Variants in BCAT1 observed in about 807,000 individuals in gnomAD.
BCAT1 encodes branched chain amino acid transaminase 1.
In BCAT1, 48 loss-of-function variants were observed where a neutral mutation model predicts 52.4. The observed-to-expected ratio is 0.92, with a 90% CI of 0.73 to 1.16. The LOEUF (loss-of-function observed/expected upper bound fraction) is 1.16, where lower values mean the gene tolerates loss of function less well. Ranked by LOEUF, BCAT1 falls within the 50% of genes most tolerant of loss-of-function variation. The probability of loss-of-function intolerance (pLI) is 0.00; values close to 1 mark genes in which losing one functional copy is unlikely to be tolerated. For synonymous variants in BCAT1, 167 were observed against 161.3 expected, an observed-to-expected ratio of 1.04 and a Z score of -0.27; for missense variants, 451 against 457.1, an observed-to-expected ratio of 0.99 and a Z score of 0.12.
At chr12:24,925,879 C>T (rs1013701239) in intron 1 of BCAT1, among the ~76,000 whole-genome samples, 4 of 152,244 alleles carry the variant, frequency 2.6e-5, no homozygotes, top group African/African-American at 7.2e-5. Flanking sequence ...GACGGAGTCT[C>T]GTTCACTCAG....
chr12:24,914,520 A>G (rs1277238739), intron 1 of BCAT1, among the ~76,000 whole-genome samples: 3 of 152,242 alleles, frequency 2.0e-5, no homozygotes, highest in African/African-American at 7.2e-5. Context: ...GAATCAAGCA[A>G]TCAGATGTTT....
At chr12:24,920,384 G>C (rs890556470) in intron 1 of BCAT1, among the ~76,000 whole-genome samples, 2 of 152,164 alleles carry the variant, frequency 1.3e-5, no homozygotes, top group African/African-American at 2.4e-5. Flanking sequence ...GAGAAGTAAT[G>C]CTTGACCTTA....
upstream of BCAT1, chr12:24,949,226 A>G: frequency 2.0e-6 from 1 of 506,328 alleles, no homozygotes; most frequent in Non-Finnish European, 3.5e-6. Flanking sequence ...ATTCGGAGCC[A>G]GCGCCCAGAC....
In BCAT1 at chr12:24,887,082, T is replaced by TAA. The variant is rs1565483153; in HGVS notation, c.280-5672_280-5671insTT. Among the ~76,000 whole-genome samples, 6 of 22,066 alleles carry TAA rather than the reference T, an allele frequency of 2.7e-4. No homozygotes were observed. In the South Asian group the frequency reaches 8.5e-3, roughly 31 times the overall value. 14.5% of individuals were successfully genotyped at this position (22,066 alleles called of 152,430 possible). ...TAGCTAAAAAAAAAAAAAAAAAAAATATATATATATATATATATATATATA... is the reference window on the plus strand; with the variant it reads ...TAGCTAAAAAAAAAAAAAAAAAAAATAAATATATATATATATATATATATATA... On this transcript the variant is annotated intron_variant, in intron 3 of 10. Coordinates refer to ENST00000261192, the MANE Select transcript of BCAT1 (RefSeq NM_005504.7).
chr12:24,913,725 G>A (rs1159142768), intron 1 of BCAT1, among the ~76,000 whole-genome samples: 1 of 152,160 alleles, frequency 6.6e-6, no homozygotes, highest in Admixed American at 6.5e-5. Context: ...ACTGAGCAGG[G>A]AAATCCAGCA....
At chr12:24,869,696 T>TG (rs996540619) in intron 5 of BCAT1, among the ~76,000 whole-genome samples, 104 of 151,968 alleles carry the variant, frequency 6.8e-4, no homozygotes, top group African/African-American at 2.4e-3. Flanking sequence ...AGATGGGAGA[T>TG]GGGGGGACAT....
intron 5 of BCAT1, among the ~76,000 whole-genome samples, chr12:24,864,363 A>C (rs769748708): frequency 1.3e-5 from 2 of 152,158 alleles, no homozygotes; most frequent in Non-Finnish European, 2.9e-5. Context: ...ATCTGCAATG[A>C]AGATATACCC....
intron 5 of BCAT1, among the ~76,000 whole-genome samples, 166 bp from the exon 6 acceptor site, chr12:24,850,115 G>A (rs777642807): frequency 4.6e-5 from 7 of 152,166 alleles, no homozygotes; most frequent in Non-Finnish European, 1.0e-4. Context: ...TTTTAAGAAG[G>A]AAATCCTGAG....
chr12:24,834,362 C>T, intron 8 of BCAT1: 1 of 984,982 alleles, frequency 1.0e-6, no homozygotes, highest in Non-Finnish European at 1.2e-6. Flanking sequence ...TGACTTCTGC[C>T]AAAGTGTTTG....
intron 1 of BCAT1, among the ~76,000 whole-genome samples, chr12:24,912,340 C>T (rs1943340463): frequency 6.6e-6 from 1 of 152,062 alleles, no homozygotes; most frequent in South Asian, 2.1e-4. Context: ...CGGTGAAACC[C>T]CGTCTCTACC....
At chr12:24,844,253 C>A (rs192020507) in intron 6 of BCAT1, among the ~76,000 whole-genome samples, 21 of 151,370 alleles carry the variant, frequency 1.4e-4, no homozygotes, top group African/African-American at 5.1e-4. Context: ...CATGGAGAAA[C>A]CCCGTCTCTA....
chr12:24,916,584 G>C (rs1402033396), intron 1 of BCAT1, among the ~76,000 whole-genome samples: 1 of 152,142 alleles, frequency 6.6e-6, no homozygotes, highest in Non-Finnish European at 1.5e-5. Flanking sequence ...TTGTCCCCTA[G>C]GCTGGAGCGC....
chr12:24,902,200 G>A (rs1028308685), intron 1 of BCAT1: 30 of 1,432,906 alleles, frequency 2.1e-5, no homozygotes, highest in Non-Finnish European at 2.6e-5. Flanking sequence ...AAAAACAATT[G>A]TCTCCCTTAT....
chr12:24,900,228 G>A (rs112582239), intron 2 of BCAT1, among the ~76,000 whole-genome samples: 4 of 152,150 alleles, frequency 2.6e-5, no homozygotes, highest in African/African-American at 7.2e-5. Flanking sequence ...GTAAATACAT[G>A]AGTGTAAACA....
At chr12:24,836,203 G>C (rs898365883) in intron 8 of BCAT1, among the ~76,000 whole-genome samples, 5 of 152,204 alleles carry the variant, frequency 3.3e-5, no homozygotes, top group African/African-American at 1.2e-4. Flanking sequence ...CTGGATGGAA[G>C]CACATCAGGT....
At chr12:24,914,386 G>A (rs1472150458) in intron 1 of BCAT1, among the ~76,000 whole-genome samples, 2 of 152,066 alleles carry the variant, frequency 1.3e-5, no homozygotes, top group Admixed American at 6.6e-5. Context: ...CCCAGCGGGT[G>A]GATTATTTTA....
rs555463763 is a variant in BCAT1, at chr12:24,827,384, C to G, written c.1119+2439G>C. On this transcript the variant is annotated intron_variant, in intron 10 of 10. Coordinates refer to ENST00000261192, the MANE Select transcript of BCAT1 (RefSeq NM_005504.7). ...CTGTGTACAAAGGTAGAAAACAACTCTGACTAAATTTTATTTCTTCCAATA... is the reference window on the plus strand; with the variant it reads ...CTGTGTACAAAGGTAGAAAACAACTGTGACTAAATTTTATTTCTTCCAATA... Among the ~76,000 whole-genome samples, 294 of 152,328 alleles carry G rather than the reference C, an allele frequency of 1.9e-3. 1 individual carries two copies. Among genetic ancestry groups the G allele is most frequent in the Non-Finnish European group, 2.2e-3 (150 of 68,036 alleles).
intron 7 of BCAT1, among the ~76,000 whole-genome samples, chr12:24,837,615 C>T (rs972990053): frequency 3.3e-5 from 5 of 151,704 alleles, no homozygotes; most frequent in Admixed American, 6.6e-5. Context: ...TTAGTAGAGA[C>T]GGGGTTTCAC....
chr12:24,838,145 G>A (rs1361092839), intron 7 of BCAT1, among the ~76,000 whole-genome samples: 1 of 152,106 alleles, frequency 6.6e-6, no homozygotes, highest in Non-Finnish European at 1.5e-5. Flanking sequence ...CTCCACTGGG[G>A]TTACATCAGA....
Sources: allele counts gnomAD v4.1 joint callset (sites outside exome capture counted in the v4.1 genomes callset), GRCh38; gene constraint gnomAD v4.1.1; transcripts MANE v1.5; gene names NCBI Gene and HGNC (gene_info 2026-07-23, HGNC 2026-07-21).